Variants in GULP1 observed in about 807,000 individuals in gnomAD.
The protein encoded by GULP1 is GULP PTB domain containing engulfment adaptor 1, also known as PTB domain-containing engulfment adapter protein 1.
Under a neutral mutation model 40.9 loss-of-function variants are expected in GULP1, and 19 were observed. The observed-to-expected ratio is 0.46, with a 90% CI of 0.32 to 0.68. The LOEUF (loss-of-function observed/expected upper bound fraction) is 0.68, where lower values mean the gene tolerates loss of function less well. Ranked by LOEUF, GULP1 falls within the 30% of genes least tolerant of loss-of-function variation. The probability of loss-of-function intolerance (pLI) is 0.03; values close to 1 mark genes in which losing one functional copy is unlikely to be tolerated. For missense variants in GULP1, 312 were observed against 362.2 expected, an observed-to-expected ratio of 0.86 and a Z score of 1.12; for synonymous variants, 119 against 117.6, an observed-to-expected ratio of 1.01 and a Z score of -0.08.
intron 2 of GULP1, among the ~76,000 whole-genome samples, chr2:188,419,038 T>G (rs1293596760): frequency 6.6e-6 from 1 of 152,220 alleles, no homozygotes; most frequent in East Asian, 1.9e-4. Context: ...ATCTATGCTT[T>G]GCAGATTGCA....
intron 7 of GULP1, among the ~76,000 whole-genome samples, chr2:188,546,206 C>T (rs1446703726): frequency 6.6e-6 from 1 of 151,984 alleles, no homozygotes; most frequent in Non-Finnish European, 1.5e-5. Flanking sequence ...AATTACTCAA[C>T]ATCATCAACC....
At chr2:188,457,891 A>G (rs1225763828) in intron 2 of GULP1, among the ~76,000 whole-genome samples, 1 of 152,162 alleles carries the variant, frequency 6.6e-6, no homozygotes, top group South Asian at 2.1e-4. Flanking sequence ...GATTGCAGTC[A>G]TCATAAGGTC....
At chr2:188,587,088 G>A (rs1424082083) in intron 10 of GULP1, among the ~76,000 whole-genome samples, 1 of 151,758 alleles carries the variant, frequency 6.6e-6, no homozygotes, top group Non-Finnish European at 1.5e-5. Flanking sequence ...TGATTCAGAG[G>A]AAAGAAATTT....
At chr2:188,361,961 T>G (rs1024051888) in intron 1 of GULP1, among the ~76,000 whole-genome samples, 2 of 146,918 alleles carry the variant, frequency 1.4e-5, no homozygotes, top group Non-Finnish European at 2.9e-5. Flanking sequence ...TGACAAAATG[T>G]TTTTTGTAAA....
chr2:188,516,583 T>C (rs550299467), intron 4 of GULP1, among the ~76,000 whole-genome samples: 119 of 152,274 alleles, frequency 7.8e-4, no homozygotes, highest in African/African-American at 2.7e-3. Context: ...TCTCTATTTC[T>C]AGGACTCTAT....
In GULP1 at chr2:188,409,623, C is replaced by T. The variant is rs116072144; in HGVS notation, c.-45+25734C>T. Among the ~76,000 whole-genome samples, 902 of 152,108 alleles carry T rather than the reference C, an allele frequency of 5.9e-3. 6 individuals are homozygous for T. The highest frequency in any genetic ancestry group is 0.02 in the African/African-American group (840 of 41,512). ...ACTCATTTTATGAGGCCAGCATTAC[C>T]TCAATACCAAAGCCAGACAAAGTCA... On this transcript the variant is annotated intron_variant, in intron 2 of 11. Coordinates refer to ENST00000409830, the MANE Select transcript of GULP1 (RefSeq NM_016315.4).
intron 2 of GULP1, among the ~76,000 whole-genome samples, chr2:188,405,033 TC>T (rs1180891556): frequency 6.6e-6 from 1 of 152,080 alleles, no homozygotes; most frequent in Admixed American, 6.5e-5. Context: ...CTGGGACTGT[TC>T]CAGCTGATCC....
chr2:188,314,886 T>G (rs2106442202), intron 1 of GULP1, among the ~76,000 whole-genome samples: 2 of 152,278 alleles, frequency 1.3e-5, no homozygotes, highest in Middle Eastern at 3.4e-3. Flanking sequence ...ATCCGTGCTG[T>G]CTGTGCTCCC....
intron 2 of GULP1, among the ~76,000 whole-genome samples, chr2:188,416,264 T>C (rs2054567029): frequency 6.6e-6 from 1 of 152,144 alleles, no homozygotes; most frequent in South Asian, 2.1e-4. Context: ...TTGTTTTTCC[T>C]TTGGGGTGGG....
chr2:188,357,354 CCAAA>C (rs1364577821), intron 1 of GULP1, among the ~76,000 whole-genome samples: 3 of 152,036 alleles, frequency 2.0e-5, no homozygotes, highest in Non-Finnish European at 4.4e-5. Flanking sequence ...TCAACAGCTT[CCAAA>C]CAAATAATCC....
chr2:188,462,180 T>G (rs2059761849), intron 2 of GULP1, among the ~76,000 whole-genome samples: 1 of 152,194 alleles, frequency 6.6e-6, no homozygotes. Context: ...GTTTCCTCAT[T>G]GACTCATTGG....
intron 1 of GULP1, among the ~76,000 whole-genome samples, chr2:188,374,610 G>C (rs570189908): frequency 6.6e-6 from 1 of 152,002 alleles, no homozygotes; most frequent in Non-Finnish European, 1.5e-5. Flanking sequence ...TTTTAAAAAG[G>C]GTGCTGATTG....
intron 2 of GULP1, among the ~76,000 whole-genome samples, chr2:188,476,670 G>A (rs2061036641): frequency 6.6e-6 from 1 of 152,094 alleles, no homozygotes; most frequent in Non-Finnish European, 1.5e-5. Flanking sequence ...CCTCACAGAA[G>A]ATAAAGTAGA....
intron 2 of GULP1, among the ~76,000 whole-genome samples, chr2:188,402,365 T>C (rs72909577): frequency 0.012 from 1,853 of 152,274 alleles, 16 homozygotes; most frequent in East Asian, 0.022. Flanking sequence ...ATAAAAATTT[T>C]ATCATTTAAG....
At chr2:188,475,504 T>C (rs1028464707) in intron 2 of GULP1, among the ~76,000 whole-genome samples, 1 of 152,014 alleles carries the variant, frequency 6.6e-6, no homozygotes, top group Non-Finnish European at 1.5e-5. Flanking sequence ...TTTTAAATCA[T>C]ATAGTATTAA....
chr2:188,476,192 C>A (rs979861506), intron 2 of GULP1, among the ~76,000 whole-genome samples: 1 of 152,018 alleles, frequency 6.6e-6, no homozygotes, highest in Admixed American at 6.6e-5. Context: ...ATGAGAGTAA[C>A]CTGAGCTGCT....
At chr2:188,566,565 G>A (rs1697725685) in intron 7 of GULP1, among the ~76,000 whole-genome samples, 1 of 152,050 alleles carries the variant, frequency 6.6e-6, no homozygotes, top group East Asian at 1.9e-4. Flanking sequence ...GGAGGCCAAG[G>A]CGGGTGGATC....
At chr2:188,411,401 G>A (rs541144443) in intron 2 of GULP1, among the ~76,000 whole-genome samples, 2 of 152,252 alleles carry the variant, frequency 1.3e-5, no homozygotes, top group South Asian at 2.1e-4. Context: ...GGTCAGACTT[G>A]ATGAGTGGAA....
At chr2:188,386,362 C>G (rs1219472869) in intron 2 of GULP1, among the ~76,000 whole-genome samples, 1 of 152,080 alleles carries the variant, frequency 6.6e-6, no homozygotes, top group African/African-American at 2.4e-5. Context: ...AGGTTTCTCC[C>G]ATGATGTGTG....
Sources: gnomAD v4.1 joint callset for allele counts (sites outside exome capture counted in the v4.1 genomes callset) on GRCh38, gnomAD v4.1.1 for gene constraint, MANE v1.5 for transcripts, NCBI Gene and HGNC (gene_info 2026-07-23, HGNC 2026-07-21) for gene names.